The following PRPSAP1 variants were observed in gnomAD, a reference collection of about 807,000 sequenced individuals.
PRPSAP1 encodes phosphoribosyl pyrophosphate synthase-associated protein 1.
Under a neutral mutation model 39.4 loss-of-function variants are expected in PRPSAP1, and 31 were observed. That is an observed-to-expected ratio of 0.79 (90% confidence interval 0.59 to 1.06). The LOEUF is 1.06. Among genes scored for constraint, PRPSAP1 ranks in the 50% least tolerant of loss-of-function variants. The probability of loss-of-function intolerance (pLI) is 0.00; values close to 1 mark genes in which losing one functional copy is unlikely to be tolerated. For synonymous variants in PRPSAP1, 212 were observed against 192.6 expected (o/e 1.10, Z -0.83); for missense variants, 430 against 511.6 (o/e 0.84, Z 1.54).
chr17:76,329,636 T>G (rs895453363), intron 6 of PRPSAP1, among the ~76,000 whole-genome samples: 33 of 151,526 alleles, frequency 2.2e-4, no homozygotes, highest in Non-Finnish European at 2.9e-5. Context: ...CTGGGGAGGC[T>G]GAGGCAGGAG....
At chr17:76,324,082 G>A (rs1179088633) in intron 7 of PRPSAP1, among the ~76,000 whole-genome samples, 1 of 151,194 alleles carries the variant, frequency 6.6e-6, no homozygotes, top group Non-Finnish European at 1.5e-5. Context: ...GGCAGAAGTT[G>A]CAGGGAGCCG....
At chr17:76,315,184 A>C (rs939504715) in intron 7 of PRPSAP1, among the ~76,000 whole-genome samples, 1 of 152,244 alleles carries the variant, frequency 6.6e-6, no homozygotes, top group African/African-American at 2.4e-5. Context: ...TGTACAAAGG[A>C]AACTACAGGA....
intron 2 of PRPSAP1, among the ~76,000 whole-genome samples, chr17:76,347,800 T>C (rs1478928114): frequency 1.3e-5 from 2 of 152,024 alleles, no homozygotes; most frequent in Non-Finnish European, 1.5e-5. Flanking sequence ...AACGGCAGGC[T>C]GGACTTAAGT....
intron 7 of PRPSAP1, among the ~76,000 whole-genome samples, chr17:76,327,335 G>A (rs112270168): frequency 1.4e-5 from 2 of 142,038 alleles, no homozygotes; most frequent in Admixed American, 1.4e-4. Context: ...GCGACAGAAC[G>A]AGTTCAGTCT....
At chr17:76,351,431 C>T (rs552191242) in intron 1 of PRPSAP1, among the ~76,000 whole-genome samples, 4 of 152,244 alleles carry the variant, frequency 2.6e-5, no homozygotes, top group South Asian at 4.1e-4. Context: ...AGGAGAATGG[C>T]GTGAACCCTG....
At chr17:76,312,705 G>T in intron 9 of PRPSAP1, 165 bp downstream of exon 9, 1 of 808,546 alleles carries the variant, frequency 1.2e-6, no homozygotes, top group Non-Finnish European at 1.8e-6. Context: ...GGTAAGTCGT[G>T]GACTATCTGT....
At chr17:76,332,619 G>A (rs951700928) in intron 3 of PRPSAP1, among the ~76,000 whole-genome samples, 184 bp from the exon 4 acceptor site, 3 of 152,164 alleles carry the variant, frequency 2.0e-5, no homozygotes, top group Admixed American at 1.3e-4. Flanking sequence ...AGCTGAGTAA[G>A]CCCTAGCTTT....
intron 3 of PRPSAP1, among the ~76,000 whole-genome samples, chr17:76,334,304 T>A (rs1395449677): frequency 6.6e-6 from 1 of 152,188 alleles, no homozygotes; most frequent in Non-Finnish European, 1.5e-5. Context: ...CACTGACACG[T>A]AGGTGATGCT....
intron 3 of PRPSAP1, among the ~76,000 whole-genome samples, chr17:76,342,082 T>C (rs375566103): frequency 6.6e-6 from 1 of 152,220 alleles, no homozygotes; most frequent in African/African-American, 2.4e-5. Context: ...CTTCCCTCAA[T>C]ACCACAGGGC....
At chr17:76,316,192 G>GAA (rs531349364) in intron 7 of PRPSAP1, among the ~76,000 whole-genome samples, 4 of 124,592 alleles carry the variant, frequency 3.2e-5, no homozygotes, top group South Asian at 2.6e-4. Flanking sequence ...AAAAAAAAAA[G>GAA]AAAAAAAAAA....
chr17:76,353,495 G>A, intron 1 of PRPSAP1, 39 bp downstream of exon 1: 2 of 1,461,936 alleles, frequency 1.4e-6, no homozygotes, highest in Admixed American at 2.5e-5. Context: ...AGAGCTAGGC[G>A]CCGCCGCCCC....
chr17:76,328,630 A>G, intron 7 of PRPSAP1, 87 bp downstream of exon 7: 1 of 1,498,760 alleles, frequency 6.7e-7, no homozygotes. Context: ...AAAACAAAAC[A>G]AAACAACAAC....
At chr17:76,316,171 G>C (rs1194958058) in intron 7 of PRPSAP1, among the ~76,000 whole-genome samples, 1 of 122,878 alleles carries the variant, frequency 8.1e-6, no homozygotes, top group African/African-American at 3.4e-5. Context: ...GTGAGACTCC[G>C]TCTAAAAAAA....
intron 8 of PRPSAP1, 124 bp from the exon 9 acceptor site, chr17:76,313,140 T>C (rs1214505733): frequency 3.9e-6 from 5 of 1,271,932 alleles, no homozygotes; most frequent in Non-Finnish European, 5.3e-6. Flanking sequence ...AAATCAGAGC[T>C]GTGTGCCTGG....
chr17:76,341,549 T>C (rs893537900), intron 3 of PRPSAP1, among the ~76,000 whole-genome samples: 1 of 152,146 alleles, frequency 6.6e-6, no homozygotes, highest in Non-Finnish European at 1.5e-5. Context: ...GCCAACAAGA[T>C]TTCTTAAAGA....
intron 2 of PRPSAP1, among the ~76,000 whole-genome samples, chr17:76,345,609 G>GGA (rs1294360804): frequency 1.0e-5 from 1 of 99,582 alleles, no homozygotes; most frequent in Non-Finnish European, 2.2e-5. Flanking sequence ...CTTGTCTGGA[G>GGA]AAAAAAAAAA....
upstream of PRPSAP1, chr17:76,354,018 T>C: frequency 8.6e-7 from 1 of 1,159,310 alleles, no homozygotes; most frequent in Non-Finnish European, 1.1e-6. Flanking sequence ...TCTAAAAGCC[T>C]GTTCTTCCGA....
chr17:76,320,423 C>CTTTTTTT (rs71161282), intron 7 of PRPSAP1, among the ~76,000 whole-genome samples: 2 of 73,408 alleles, frequency 2.7e-5, no homozygotes, highest in Non-Finnish European at 4.6e-5. Context: ...GCAGATAATG[C>CTTTTTTT]TTTTTTTTTT....
At chr17:76,324,905 CA>C (rs775094160) in intron 7 of PRPSAP1, among the ~76,000 whole-genome samples, 301 of 130,308 alleles carry the variant, frequency 2.3e-3, no homozygotes, top group Middle Eastern at 0.012. Context: ...ACTAAAAATA[CA>C]AAAAAAAAAA....
Sources: allele counts gnomAD v4.1 joint callset (sites outside exome capture counted in the v4.1 genomes callset), GRCh38; gene constraint gnomAD v4.1.1; transcripts MANE v1.5; gene names NCBI Gene and HGNC (gene_info 2026-07-23, HGNC 2026-07-21).